AMOTL1: variants seen among roughly 807,000 people sequenced by gnomAD.
AMOTL1 encodes angiomotin like 1.
Under a neutral mutation model 102.9 loss-of-function variants are expected in AMOTL1, and 45 were observed. The observed-to-expected ratio is 0.44, with a 90% CI of 0.34 to 0.56. The LOEUF is 0.56. AMOTL1 is among the 20% of genes least tolerant of loss of function. AMOTL1 has a pLI of 0.01. For missense variants in AMOTL1, 1,114 were observed against 1,225.6 expected (o/e 0.91, Z 1.36); for synonymous variants, 481 against 484.7 (o/e 0.99, Z 0.10).
At chr11:94,714,327 A>T (rs1019365293) in intron 1 of AMOTL1, among the ~76,000 whole-genome samples, 1 of 152,048 alleles carries the variant, frequency 6.6e-6, no homozygotes, top group Non-Finnish European at 1.5e-5. Context: ...GTTCATAAGA[A>T]TTATTGATTT....
At chr11:94,823,964 C>T (rs1163946237) in intron 4 of AMOTL1, among the ~76,000 whole-genome samples, 1 of 151,992 alleles carries the variant, frequency 6.6e-6, no homozygotes, top group Non-Finnish European at 1.5e-5. Flanking sequence ...CGTGATCCGC[C>T]CACCTCGGCC....
chr11:94,821,637 C>T lies in AMOTL1; in HGVS notation c.1229C>T (p.Pro410Leu), dbSNP rs1169178630. The T allele has an allele frequency of 6.2e-7, 1 of 1,613,898 alleles. No homozygotes were observed. The highest frequency in any genetic ancestry group is 8.5e-7 in the Non-Finnish European group (1 of 1,179,856). The change falls in exon 4 of 13, where the codon CCA becomes CTA. Residue 410 changes from proline to leucine, a missense_variant. By Grantham distance (98) the Pro-to-Leu change is moderately conservative. Transcript: ENST00000433060. ...GPLHSVSLPL[P>L]LPMALGAPQP... is the part of the protein sequence containing the mutation. ...CTGCACTCTGTCTCCCTGCCGCTTC[C>T]ACTCCCGATGGCCCTGGGTGCTCCA...
intron 1 of AMOTL1, among the ~76,000 whole-genome samples, chr11:94,780,071 C>G (rs980126807): frequency 6.6e-6 from 1 of 152,086 alleles, no homozygotes; most frequent in Non-Finnish European, 1.5e-5. Context: ...TGATCTCTGT[C>G]CTATTATATC....
intron 3 of AMOTL1, among the ~76,000 whole-genome samples, chr11:94,804,054 A>C (rs1951526422): frequency 6.6e-6 from 1 of 152,180 alleles, no homozygotes; most frequent in Non-Finnish European, 1.5e-5. Flanking sequence ...TACCATTTAC[A>C]CCATTTTCTC....
chr11:94,720,784 C>G (rs1157473046), intron 1 of AMOTL1, among the ~76,000 whole-genome samples: 1 of 152,028 alleles, frequency 6.6e-6, no homozygotes, highest in Admixed American at 6.6e-5. Context: ...AGTCATGTGT[C>G]CACTCTTGAT....
intron 6 of AMOTL1, among the ~76,000 whole-genome samples, chr11:94,843,436 C>G: frequency 6.6e-6 from 1 of 152,114 alleles, no homozygotes; most frequent in East Asian, 1.9e-4. Context: ...GCAGAAGGAA[C>G]CTAAATAGTT....
chr11:94,709,199 A>G (rs2135425266), intron 1 of AMOTL1, among the ~76,000 whole-genome samples: 1 of 152,294 alleles, frequency 6.6e-6, no homozygotes, highest in Middle Eastern at 3.4e-3. Context: ...GGCTAGCCTT[A>G]GAGACTTGGT....
intron 6 of AMOTL1, among the ~76,000 whole-genome samples, chr11:94,849,353 C>T (rs1205142747): frequency 6.6e-6 from 1 of 152,090 alleles, no homozygotes; most frequent in African/African-American, 2.4e-5. Flanking sequence ...AAAGTATTTT[C>T]AATAAGAAAT....
chr11:94,780,336 G>C (rs1332924521), intron 1 of AMOTL1, among the ~76,000 whole-genome samples: 1 of 152,190 alleles, frequency 6.6e-6, no homozygotes, highest in East Asian at 1.9e-4. Context: ...AGGAGACTTT[G>C]AAGAACCTTT....
At chr11:94,815,401 A>G (rs1349033448) in intron 3 of AMOTL1, among the ~76,000 whole-genome samples, 2 of 152,156 alleles carry the variant, frequency 1.3e-5, no homozygotes, top group African/African-American at 4.8e-5. Context: ...CCTGAACTCC[A>G]CAGGTTATAA....
At chr11:94,816,891 G>A (rs1222911460) in intron 3 of AMOTL1, among the ~76,000 whole-genome samples, 1 of 152,174 alleles carries the variant, frequency 6.6e-6, no homozygotes, top group African/African-American at 2.4e-5. Context: ...GCATGAGATT[G>A]TAAGGGCCAA....
chr11:94,713,160 T>C (rs1950044638), intron 1 of AMOTL1, among the ~76,000 whole-genome samples: 1 of 151,940 alleles, frequency 6.6e-6, no homozygotes, highest in African/African-American at 2.4e-5. Context: ...AGAAATCAAC[T>C]GGGCATATTT....
intron 3 of AMOTL1, among the ~76,000 whole-genome samples, chr11:94,810,666 A>C (rs1259353019): frequency 3.3e-5 from 5 of 152,054 alleles, no homozygotes; most frequent in African/African-American, 1.2e-4. Context: ...TCTTTAAGGA[A>C]TCCTGGGCTA....
At chr11:94,774,926 C>T (rs889222319) in intron 1 of AMOTL1, among the ~76,000 whole-genome samples, 1 of 152,194 alleles carries the variant, frequency 6.6e-6, no homozygotes, top group African/African-American at 2.4e-5. Flanking sequence ...TTCTTTTGTG[C>T]CTCACTTTCC....
chr11:94,851,275 A>G (rs1952532433), intron 7 of AMOTL1, among the ~76,000 whole-genome samples: 2 of 152,244 alleles, frequency 1.3e-5, no homozygotes, highest in African/African-American at 4.8e-5. Flanking sequence ...CTGAAATGAC[A>G]TCTCCATCTC....
intron 2 of AMOTL1, among the ~76,000 whole-genome samples, chr11:94,730,997 G>A (rs1007572126): frequency 2.0e-5 from 3 of 152,150 alleles, no homozygotes; most frequent in Admixed American, 6.5e-5. Context: ...TAACAAAGGG[G>A]TGGCTAAAAA....
chr11:94,860,818 G>T (rs192164681), intron 9 of AMOTL1, among the ~76,000 whole-genome samples: 18 of 152,302 alleles, frequency 1.2e-4, no homozygotes, highest in African/African-American at 4.1e-4. Flanking sequence ...AGGAGTAAAA[G>T]CCACATTGCC....
At chr11:94,809,639 T>C (rs1951635680) in intron 3 of AMOTL1, among the ~76,000 whole-genome samples, 1 of 152,218 alleles carries the variant, frequency 6.6e-6, no homozygotes, top group African/African-American at 2.4e-5. Flanking sequence ...TAACAGAGGC[T>C]AACGATTCAT....
intron 3 of AMOTL1, among the ~76,000 whole-genome samples, chr11:94,747,676 AG>A (rs1329591277): frequency 1.3e-5 from 2 of 152,186 alleles, no homozygotes; most frequent in African/African-American, 4.8e-5. Flanking sequence ...AACACAAGGA[AG>A]ACTGCGTTTC....
Sources: gnomAD v4.1 joint callset for allele counts (sites outside exome capture counted in the v4.1 genomes callset) on GRCh38, gnomAD v4.1.1 for gene constraint, MANE v1.5 for transcripts, NCBI Gene and HGNC (gene_info 2026-07-23, HGNC 2026-07-21) for gene names.